The following ADD3 variants were observed in gnomAD, a reference collection of about 807,000 sequenced individuals.
The protein encoded by ADD3 is adducin 3, also known as gamma-adducin.
Under a neutral mutation model 80.2 loss-of-function variants are expected in ADD3, and 25 were observed. That is an observed-to-expected ratio of 0.31 (90% CI 0.23 to 0.44). The LOEUF is 0.44. ADD3 is among the 20% of genes least tolerant of loss of function. The pLI, the probability that ADD3 is intolerant of heterozygous loss-of-function variation, is 1.00. For synonymous variants in ADD3, 284 were observed against 289.6 expected (o/e 0.98, Z 0.20); for missense variants, 829 against 847.5 (o/e 0.98, Z 0.27).
At position 110,110,811 on chromosome 10, in the gene ADD3, A is replaced by C. The variant is rs60318426; in HGVS notation, c.196-1966A>C. Among the ~76,000 whole-genome samples the C allele has an allele frequency of 7.5e-3, 1,144 of 152,020 alleles. 16 individuals carry two copies. The highest frequency in any genetic ancestry group is 0.026 in the African/African-American group (1,082 of 41,434). ...GGAGTTTGAGACCAACCTGACCAAC[A>C]TGGTGAAACCCCATCTCTACTAAAA... On this transcript the variant is annotated intron_variant, in intron 2 of 14. Transcript: ENST00000356080.
intron 1 of ADD3, among the ~76,000 whole-genome samples, chr10:110,035,698 C>T (rs1314091308): frequency 1.3e-5 from 2 of 152,166 alleles, no homozygotes; most frequent in African/African-American, 4.8e-5. Context: ...AGGCCACACC[C>T]CATACTTTGA....
upstream of ADD3, among the ~76,000 whole-genome samples, chr10:110,004,150 C>G (rs1464887237): frequency 6.6e-6 from 1 of 151,744 alleles, no homozygotes; most frequent in African/African-American, 2.4e-5. Context: ...AATAAAAAGC[C>G]CTCCTTGCAG....
intron 1 of ADD3, among the ~76,000 whole-genome samples, chr10:110,031,579 G>A (rs868286845): frequency 4.6e-5 from 7 of 152,026 alleles, no homozygotes; most frequent in East Asian, 1.9e-4. Flanking sequence ...AACATGAAGC[G>A]GAGTACTGTT....
chr10:110,039,880 GC>G (rs1337784627), intron 1 of ADD3, among the ~76,000 whole-genome samples: 5 of 152,196 alleles, frequency 3.3e-5, no homozygotes, highest in Non-Finnish European at 7.3e-5. Context: ...TCCTTGCTAA[GC>G]AAGCCTCATC....
In ADD3 at chr10:110,041,759, G is replaced by A. The variant is rs886854269; in HGVS notation, c.-30+33460G>A. On this transcript the variant is annotated intron_variant, in intron 1 of 14. Transcript: ENST00000356080. ...AAAAGCAACTAGTTCAGAAATTTTC[G>A]TACTGAATCAACAAGAAGTTACTTG... 7.9e-5 allele frequency among the ~76,000 whole-genome samples: 12 copies of A among 152,234 alleles called. No individual in the cohort carries two copies. The South Asian group carries it at 8.3e-4, about 11-fold the overall frequency.
chr10:110,001,487 G>T (rs1851484302), upstream of ADD3, among the ~76,000 whole-genome samples: 1 of 151,938 alleles, frequency 6.6e-6, no homozygotes, highest in Non-Finnish European at 1.5e-5. Flanking sequence ...CAGCAGAAAA[G>T]GTGTAGCCAG....
chr10:110,008,508 A>C (rs1851911843), intron 1 of ADD3: 1 of 150,682 alleles, frequency 6.6e-6, no homozygotes, highest in Non-Finnish European at 1.5e-5. Context: ...GACCACGGCC[A>C]GGCCAGAGGG....
At chr10:110,025,685 C>T (rs1012353427) in intron 1 of ADD3, among the ~76,000 whole-genome samples, 2 of 152,162 alleles carry the variant, frequency 1.3e-5, no homozygotes, top group African/African-American at 4.8e-5. Flanking sequence ...GTGTTTAAGG[C>T]AACATGTTGC....
intron 1 of ADD3, among the ~76,000 whole-genome samples, chr10:110,010,307 CT>C (rs1852193512): frequency 6.6e-6 from 1 of 152,192 alleles, no homozygotes; most frequent in Non-Finnish European, 1.5e-5. Context: ...TGGTTAATCT[CT>C]CCCATTTCAA....
intron 13 of ADD3, among the ~76,000 whole-genome samples, chr10:110,131,571 C>T (rs55935411): frequency 0.011 from 1,620 of 152,320 alleles, 31 homozygotes; most frequent in African/African-American, 0.038. Flanking sequence ...TTAGGAAGAA[C>T]TAATGACATC....
intron 1 of ADD3, among the ~76,000 whole-genome samples, chr10:110,019,760 CCA>C (rs1435396953): frequency 2.0e-5 from 3 of 152,232 alleles, no homozygotes; most frequent in East Asian, 3.9e-4. Context: ...GCTGAATTCA[CCA>C]GTTTGTAGGT....
chr10:110,033,993 A>G (rs1049883964), intron 1 of ADD3, among the ~76,000 whole-genome samples: 3 of 152,238 alleles, frequency 2.0e-5, no homozygotes, highest in Non-Finnish European at 4.4e-5. Context: ...AAGACTGAGA[A>G]GTACAGCAAT....
At chr10:110,014,973 A>C (rs1852778980) in intron 1 of ADD3, among the ~76,000 whole-genome samples, 1 of 151,594 alleles carries the variant, frequency 6.6e-6, no homozygotes, top group South Asian at 2.1e-4. Flanking sequence ...TCCCTGGTTC[A>C]AGTGATTCTG....
intron 2 of ADD3, among the ~76,000 whole-genome samples, chr10:110,109,023 A>C (rs1281464960): frequency 6.6e-6 from 1 of 152,206 alleles, no homozygotes; most frequent in Non-Finnish European, 1.5e-5. Flanking sequence ...TTAGAATGGT[A>C]CTCACATATT....
intron 1 of ADD3, among the ~76,000 whole-genome samples, chr10:110,018,775 T>C (rs1212377033): frequency 6.6e-6 from 1 of 152,190 alleles, no homozygotes; most frequent in Non-Finnish European, 1.5e-5. Context: ...CAAAGACTTA[T>C]TTGTAGCAGT....
Position 110,112,870 on chromosome 10 carries a change from T to G in ADD3, c.289T>G (p.Tyr97Asp). The G allele has an allele frequency of 6.2e-7, 1 of 1,614,104 alleles. No individual in the cohort carries two copies. Among genetic ancestry groups the G allele is most frequent in the Non-Finnish European group, 8.5e-7 (1 of 1,179,984 alleles). Residue 97 changes from tyrosine (Y) to aspartate (D), a missense_variant, in exon 3 of 15, where the codon TAC (tyrosine) becomes GAC (aspartate). Physicochemically the swap from Tyr to Asp is radical, Grantham distance 160. Coordinates refer to ENST00000356080, the MANE Select transcript of ADD3 (RefSeq NM_016824.5). ...GLLALQQIAD[Y>D]IMANSFSGFS... ...ACTAGCATTACAGCAGATTGCAGAT[T>G]ACATCATGGCCAATTCTTTCTCGGG... is the stretch of plus-strand genomic sequence containing the variant.
intron 12 of ADD3, 54 bp downstream of exon 12, chr10:110,126,557 T>C: frequency 8.0e-7 from 1 of 1,248,788 alleles, no homozygotes. Context: ...ATTAATTTCA[T>C]TGATTTTTAA....
intron 1 of ADD3, among the ~76,000 whole-genome samples, chr10:110,020,406 A>G (rs998438288): frequency 6.6e-6 from 1 of 152,140 alleles, no homozygotes; most frequent in Admixed American, 6.5e-5. Context: ...TGCAGACCTA[A>G]ATAGAGCAGC....
chr10:110,118,407 T>A (rs1455825229), intron 5 of ADD3, among the ~76,000 whole-genome samples, 180 bp from the exon 6 acceptor site: 1 of 152,242 alleles, frequency 6.6e-6, no homozygotes, highest in African/African-American at 2.4e-5. Flanking sequence ...TTACAGATTG[T>A]TTATGGCTGC....
Sources: gnomAD v4.1 joint callset for allele counts (sites outside exome capture counted in the v4.1 genomes callset) on GRCh38, gnomAD v4.1.1 for gene constraint, MANE v1.5 for transcripts, NCBI Gene and HGNC (gene_info 2026-07-23, HGNC 2026-07-21) for gene names.